PIBF1: variants seen among roughly 807,000 people sequenced by gnomAD.
PIBF1 encodes the protein progesterone-induced-blocking factor 1.
In PIBF1, 90 loss-of-function variants were observed where a neutral mutation model predicts 112.5. The observed-to-expected ratio is 0.80, with a 90% confidence interval of 0.67 to 0.95. PIBF1 has a LOEUF of 0.95. Among genes scored for constraint, PIBF1 ranks in the 40% least tolerant of loss-of-function variants. PIBF1 has a pLI of 0.00. For synonymous variants in PIBF1, 301 were observed against 288.6 expected, an observed-to-expected ratio of 1.04 and a Z score of -0.44; for missense variants, 915 against 852.3, an observed-to-expected ratio of 1.07 and a Z score of -0.92.
rs117406053 is a variant in PIBF1, at chr13:72,979,077, C to G, written c.2049+5402C>G. On this transcript the variant is annotated intron_variant, in intron 16 of 17. Coordinates refer to ENST00000326291, the MANE Select transcript of PIBF1 (RefSeq NM_006346.4). ...GGGCATGGTGGTGCACATCTGTGTT[C>G]CCAGCTACTGGGGAAGTCGAAGCAG... is the stretch of plus-strand genomic sequence containing the variant. Among the ~76,000 whole-genome samples the G allele has an allele frequency of 8.7e-3, 1,324 of 152,214 alleles. 67 individuals carry two copies. Among genetic ancestry groups the G allele is most frequent in the East Asian group, 9.5e-3 (49 of 5,164 alleles).
chr13:72,982,899 G>A (rs558021946), intron 16 of PIBF1, among the ~76,000 whole-genome samples: 85 of 152,266 alleles, frequency 5.6e-4, no homozygotes, highest in African/African-American at 2.0e-3. Flanking sequence ...CTGAAAGTAG[G>A]CCATAGGAAG....
intron 14 of PIBF1, among the ~76,000 whole-genome samples, chr13:72,956,851 T>G (rs1029781872): frequency 3.8e-4 from 58 of 152,146 alleles, no homozygotes; most frequent in African/African-American, 1.4e-3. Context: ...AAAAGTGGGC[T>G]AAGGACATGA....
At chr13:72,917,439 C>G (rs2041142617) in intron 13 of PIBF1, among the ~76,000 whole-genome samples, 1 of 151,474 alleles carries the variant, frequency 6.6e-6, no homozygotes, top group Non-Finnish European at 1.5e-5. Flanking sequence ...TTCAGATGAG[C>G]TACAAATGCT....
At chr13:72,879,182 T>C (rs1023175280) in intron 10 of PIBF1, among the ~76,000 whole-genome samples, 1 of 152,194 alleles carries the variant, frequency 6.6e-6, no homozygotes, top group African/African-American at 2.4e-5. Context: ...TTTCACTCTT[T>C]TTCTTTTTTG....
intron 10 of PIBF1, among the ~76,000 whole-genome samples, chr13:72,887,042 T>C (rs1029441790): frequency 6.6e-6 from 1 of 151,022 alleles, no homozygotes; most frequent in South Asian, 2.1e-4. Context: ...AGTTTTTCTT[T>C]TTTTTTTTTT....
intron 14 of PIBF1, among the ~76,000 whole-genome samples, chr13:72,942,626 T>G (rs1300540207): frequency 6.6e-6 from 1 of 152,200 alleles, no homozygotes; most frequent in Non-Finnish European, 1.5e-5. Flanking sequence ...TGTATGCTAT[T>G]TTCATAGAAG....
rs117490601 is a variant in PIBF1 at position 72,842,252 on chromosome 13, C to T, written c.1223+6884C>T. Among the ~76,000 whole-genome samples, 1,149 of 152,200 alleles carry T rather than the reference C, an allele frequency of 7.5e-3. 14 individuals are homozygous for T. Among genetic ancestry groups the T allele is most frequent in the Middle Eastern group, 0.014 (4 of 294 alleles). On this transcript the variant is annotated intron_variant, in intron 9 of 17. Transcript: ENST00000326291. ...CCTTTATTTAAGGTGGTCTTGTTAA[C>T]TGTAAACACAGAGCTATTCTGAGTG...
Position 72,790,788 on chromosome 13 carries a change from G to T in PIBF1, c.253-1659G>T, listed in dbSNP as rs564282954. On this transcript the variant is annotated intron_variant, in intron 2 of 17. Coordinates refer to ENST00000326291, the MANE Select transcript of PIBF1 (RefSeq NM_006346.4). ...TGCTGTCAAATAAGATAAATAGGCA[G>T]AAAAAAACAATGCACAGGACATTAT... Among the ~76,000 whole-genome samples the T allele has an allele frequency of 2.0e-5, 3 of 152,058 alleles. No individual in the cohort carries two copies. The East Asian group carries it at 5.8e-4, about 29-fold the overall frequency.
intron 10 of PIBF1, among the ~76,000 whole-genome samples, chr13:72,878,457 A>G (rs1404702906): frequency 6.6e-6 from 1 of 151,926 alleles, no homozygotes; most frequent in Non-Finnish European, 1.5e-5. Context: ...TTATCTTTTT[A>G]TTGTTGATTT....
chr13:72,986,697 T>G (rs997698693), intron 16 of PIBF1, among the ~76,000 whole-genome samples: 1 of 134,294 alleles, frequency 7.4e-6, no homozygotes, highest in Non-Finnish European at 1.5e-5. Context: ...TTTTTTTTTT[T>G]TTTTGAGACA....
chr13:72,948,027 A>G (rs1278077448), intron 14 of PIBF1, among the ~76,000 whole-genome samples: 4 of 152,044 alleles, frequency 2.6e-5, no homozygotes, highest in Non-Finnish European at 5.9e-5. Context: ...GAGTTAAACA[A>G]TGAGAACACA....
chr13:73,004,265 C>T (rs368639133), intron 17 of PIBF1, among the ~76,000 whole-genome samples: 11 of 151,820 alleles, frequency 7.2e-5, no homozygotes, highest in African/African-American at 1.2e-4. Context: ...CCGAGGTGGG[C>T]GGCTCACCTG....
At chr13:72,787,170 C>T (rs1323622215) in intron 2 of PIBF1, among the ~76,000 whole-genome samples, 1 of 152,190 alleles carries the variant, frequency 6.6e-6, no homozygotes, top group South Asian at 2.1e-4. Flanking sequence ...AACAGCACTA[C>T]ACACATGATA....
At chr13:72,814,111 T>C (rs2036151939) in intron 5 of PIBF1, among the ~76,000 whole-genome samples, 1 of 152,130 alleles carries the variant, frequency 6.6e-6, no homozygotes, top group Non-Finnish European at 1.5e-5. Flanking sequence ...CTCTATTTGT[T>C]TATAGGAAAT....
intron 10 of PIBF1, among the ~76,000 whole-genome samples, chr13:72,889,863 C>T (rs181570623): frequency 2.0e-5 from 3 of 152,036 alleles, no homozygotes; most frequent in African/African-American, 7.2e-5. Context: ...ACCTGTTTAC[C>T]GAATGAGATT....
Position 72,854,125 on chromosome 13 carries a change from C to T in PIBF1, c.1292C>T (p.Ala431Val). 1 of 1,612,138 alleles carries T rather than the reference C, an allele frequency of 6.2e-7. No homozygotes were observed. The highest frequency in any genetic ancestry group is 2.2e-5 in the East Asian group (1 of 44,846). Residue 431 changes from alanine to valine, a missense_variant, in exon 10 of 18, where the codon GCT becomes GTT. Ala to Val is a moderately conservative substitution (Grantham distance 64). Coordinates refer to ENST00000326291, the MANE Select transcript of PIBF1 (RefSeq NM_006346.4). ...CGAGCAGTGATGGCTGAAAAGGATG[C>T]TTTAGAAAAACACGATCAGCTCTTA... ...KERAVMAEKD[A>V]LEKHDQLLDR...
intron 8 of PIBF1, among the ~76,000 whole-genome samples, chr13:72,832,868 A>G (rs531159874): frequency 3.3e-5 from 5 of 152,000 alleles, no homozygotes; most frequent in Non-Finnish European, 7.4e-5. Context: ...GTGTTTTCCA[A>G]CTTGGTTCCA....
intron 13 of PIBF1, among the ~76,000 whole-genome samples, chr13:72,927,958 T>TATACATATATATATAC (rs1354110275): frequency 1.4e-5 from 1 of 73,088 alleles, no homozygotes; most frequent in African/African-American, 5.7e-5. Context: ...TATATATATA[T>TATACATATATATATAC]ACACATATAT....
At chr13:72,899,468 G>A (rs995469705) in intron 11 of PIBF1, among the ~76,000 whole-genome samples, 2 of 152,246 alleles carry the variant, frequency 1.3e-5, no homozygotes, top group Non-Finnish European at 2.9e-5. Flanking sequence ...ATGGTTTAAC[G>A]TATGCAAGTC....
Sources: allele counts gnomAD v4.1 joint callset (sites outside exome capture counted in the v4.1 genomes callset), GRCh38; gene constraint gnomAD v4.1.1; transcripts MANE v1.5; gene names NCBI Gene and HGNC (gene_info 2026-07-23, HGNC 2026-07-21).